Variants in PCDH15 observed in about 807,000 individuals in gnomAD.
PCDH15 encodes the protein protocadherin related 15, also known as protocadherin-15.
PCDH15 carries 129 observed loss-of-function variants against 178.5 expected under a neutral mutation model. The observed-to-expected ratio is 0.72, with a 90% CI of 0.63 to 0.84. The LOEUF is 0.84. PCDH15 is among the 40% of genes least tolerant of loss of function. The pLI is 0.00. For synonymous variants in PCDH15, 800 were observed against 732.0 expected (o/e 1.09, Z -1.50); for missense variants, 2,230 against 2,099.9 (o/e 1.06, Z -1.21).
rs1841506131 is a variant in PCDH15 at position 55,240,258 on chromosome 10, CA to C, written c.-155-73608del. On this transcript the variant is annotated intron_variant, in intron 1 of 5. Coordinates refer to the PCDH15 transcript ENST00000458638. Reference sequence around the variant, plus strand: ...ATCTTTCTTCATTTAGTCAATATTACAAATTTGTATTTAATATACAAAGTAG... The same window carrying C: ...ATCTTTCTTCATTTAGTCAATATTACAATTTGTATTTAATATACAAAGTAG... 2.0e-5 allele frequency among the ~76,000 whole-genome samples: 3 copies of C among 152,126 alleles called. No individual in the cohort carries two copies. The South Asian group carries it at 6.2e-4, about 32-fold the overall frequency.
chr10:54,849,731 G>A (rs1270419890), intron 3 of PCDH15, among the ~76,000 whole-genome samples: 1 of 152,072 alleles, frequency 6.6e-6, no homozygotes, highest in Non-Finnish European at 1.5e-5. Context: ...GGAAAGAACC[G>A]CAATTACTTT....
intron 26 of PCDH15, among the ~76,000 whole-genome samples, chr10:53,886,532 C>G (rs1287845340): frequency 1.3e-5 from 2 of 150,474 alleles, no homozygotes; most frequent in Non-Finnish European, 2.9e-5. Context: ...GTAGTAATTC[C>G]TATCATGACT....
In PCDH15 at chr10:54,251,966, T is replaced by C. The variant is rs2056512104; in HGVS notation, c.877-15035A>G. The stretch of plus-strand genomic sequence containing the variant: ...TTAGTCAATCTTATTAAATATATGC[T>C]CCCCCCTGCCTTTTTATCTTCAGTG... On this transcript the variant is annotated intron_variant, in intron 8 of 37. Transcript: ENST00000644397. Among the ~76,000 whole-genome samples the C allele has an allele frequency of 2.0e-5, 3 of 152,078 alleles. No individual in the cohort carries two copies. The South Asian group carries it at 6.2e-4, about 32-fold the overall frequency.
At chr10:53,924,454 G>A (rs1488160290) in intron 25 of PCDH15, among the ~76,000 whole-genome samples, 2 of 152,166 alleles carry the variant, frequency 1.3e-5, no homozygotes, top group Non-Finnish European at 2.9e-5. Context: ...CGCCATGCTG[G>A]AGTGTCCCCC....
At chr10:55,580,351 T>A (rs1218497721) in intron 2 of PCDH15, among the ~76,000 whole-genome samples, 1 of 142,112 alleles carries the variant, frequency 7.0e-6, no homozygotes. Flanking sequence ...TCATTTTTTT[T>A]ATTTTTTTAT....
At chr10:53,934,026 T>A (rs1236364543) in intron 25 of PCDH15, among the ~76,000 whole-genome samples, 1 of 152,130 alleles carries the variant, frequency 6.6e-6, no homozygotes, top group Non-Finnish European at 1.5e-5. Flanking sequence ...GGGTTGTTTG[T>A]TTTTTCTTGT....
Position 53,808,477 on chromosome 10 carries a change from T to C in PCDH15, c.4672-1347A>G, listed in dbSNP as rs1189781837. 11 of 1,365,696 alleles carry C rather than the reference T, an allele frequency of 8.1e-6. No individual in the cohort carries two copies. The African/African-American group carries it at 1.5e-4, about 18-fold the overall frequency. 84.6% of individuals were successfully genotyped at this position (1,365,696 alleles called of 1,614,324 possible). A position where few individuals can be genotyped will look rare whatever the true frequency, so the allele number is the denominator to read the frequency against. On this transcript the variant is annotated intron_variant, in intron 37 of 37. Coordinates refer to ENST00000644397, the MANE Select transcript of PCDH15 (RefSeq NM_001384140.1). The stretch of plus-strand genomic sequence containing the variant: ...TTGCATGTGTTCTGATTTACTAATA[T>C]AGGAAGGATTAGTCAGTTTTACTCT...
chr10:55,228,302 T>C (rs1252536596), intron 1 of PCDH15, among the ~76,000 whole-genome samples: 1 of 152,036 alleles, frequency 6.6e-6, no homozygotes. Flanking sequence ...ACGTCAAGTG[T>C]TATTTTTAAA....
chr10:54,205,123 T>C (rs1488805378), intron 10 of PCDH15, among the ~76,000 whole-genome samples: 1 of 152,124 alleles, frequency 6.6e-6, no homozygotes, highest in African/African-American at 2.4e-5. Context: ...CCCTGAAGTC[T>C]GCCTTTCCAA....
At chr10:55,550,608 C>A (rs1338238090) in intron 2 of PCDH15, among the ~76,000 whole-genome samples, 1 of 152,070 alleles carries the variant, frequency 6.6e-6, no homozygotes, top group East Asian at 1.9e-4. Context: ...TATTATTTCA[C>A]ATTTTTAAAA....
chr10:54,933,383 C>A (rs1837829869), intron 2 of PCDH15, among the ~76,000 whole-genome samples: 1 of 152,064 alleles, frequency 6.6e-6, no homozygotes, highest in African/African-American at 2.4e-5. Context: ...TGAGACCTCT[C>A]TGCTTTTCCC....
intron 17 of PCDH15, among the ~76,000 whole-genome samples, chr10:54,070,177 C>A (rs1354300262): frequency 6.6e-6 from 1 of 152,114 alleles, no homozygotes; most frequent in African/African-American, 2.4e-5. Context: ...ATGTCTCATT[C>A]TCAACAATGC....
intron 3 of PCDH15, among the ~76,000 whole-genome samples, chr10:54,431,480 T>A (rs1359372952): frequency 1.3e-5 from 2 of 152,178 alleles, no homozygotes; most frequent in Non-Finnish European, 2.9e-5. Context: ...TGATACAGCA[T>A]ATCAACAGAA....
intron 1 of PCDH15, among the ~76,000 whole-genome samples, chr10:55,277,456 T>C (rs1462975134): frequency 6.6e-6 from 1 of 152,084 alleles, no homozygotes; most frequent in Admixed American, 6.6e-5. Context: ...ACACCTTAGT[T>C]CTTGTAAATA....
chr10:54,838,149 GC>G (rs1278779366), intron 3 of PCDH15, among the ~76,000 whole-genome samples: 1 of 151,972 alleles, frequency 6.6e-6, no homozygotes, highest in African/African-American at 2.4e-5. Flanking sequence ...TCCAGCCCCT[GC>G]CAGCTAGAGT....
intron 2 of PCDH15, among the ~76,000 whole-genome samples, chr10:55,014,890 T>G (rs1329596053): frequency 6.6e-6 from 1 of 152,192 alleles, no homozygotes; most frequent in East Asian, 1.9e-4. Context: ...ATGTCCTCAG[T>G]TCCACAGTGT....
At chr10:55,466,642 G>T (rs940917605) in intron 2 of PCDH15, among the ~76,000 whole-genome samples, 3 of 151,980 alleles carry the variant, frequency 2.0e-5, no homozygotes, top group Non-Finnish European at 2.9e-5. Flanking sequence ...TGGAGAAGAA[G>T]GACTCAAGAG....
At chr10:54,032,479 C>A (rs2135432406) in intron 18 of PCDH15, among the ~76,000 whole-genome samples, 1 of 152,094 alleles carries the variant, frequency 6.6e-6, no homozygotes, top group Non-Finnish European at 1.5e-5. Flanking sequence ...GCCAAAATTT[C>A]TTCTGAAGCT....
intron 17 of PCDH15, among the ~76,000 whole-genome samples, chr10:54,071,767 A>C (rs1437354688): frequency 2.0e-5 from 3 of 152,150 alleles, no homozygotes; most frequent in Non-Finnish European, 2.9e-5. Context: ...GTAAGGTAAC[A>C]CTATAATTAT....
Sources: gnomAD v4.1 joint callset for allele counts (sites outside exome capture counted in the v4.1 genomes callset) on GRCh38, gnomAD v4.1.1 for gene constraint, MANE v1.5 for transcripts, NCBI Gene and HGNC (gene_info 2026-07-23, HGNC 2026-07-21) for gene names.